The following CDH2 variants were observed in gnomAD, a reference collection of about 807,000 sequenced individuals.
CDH2 encodes the protein cadherin-2.
In CDH2, 17 loss-of-function variants were observed where a neutral mutation model predicts 92.0. The observed-to-expected ratio is 0.18, with a 90% confidence interval of 0.13 to 0.28. The LOEUF (loss-of-function observed/expected upper bound fraction) is 0.28. Among genes scored for constraint, CDH2 ranks in the 10% least tolerant of loss-of-function variants. The probability of loss-of-function intolerance (pLI) is 1.00; values close to 1 mark genes in which losing one functional copy is unlikely to be tolerated. For synonymous variants in CDH2, 419 were observed against 415.9 expected, an observed-to-expected ratio of 1.01 and a Z score of -0.09; for missense variants, 862 against 1,133.1, an observed-to-expected ratio of 0.76 and a Z score of 3.44.
At chr18:28,166,199 A>G (rs939179779) in intron 1 of CDH2, among the ~76,000 whole-genome samples, 1 of 88,054 alleles carries the variant, frequency 1.1e-5, no homozygotes, top group Non-Finnish European at 2.2e-5. Context: ...ATGAAGAATC[A>G]AGACTTATGA....
At chr18:28,175,554 T>C (rs1257060425) in intron 1 of CDH2, among the ~76,000 whole-genome samples, 1 of 149,402 alleles carries the variant, frequency 6.7e-6, no homozygotes, top group African/African-American at 2.6e-5. Flanking sequence ...CGTCTAGGGG[T>C]TGCGGGAGAA....
At chr18:28,099,107 C>A (rs2015186339) in intron 2 of CDH2, among the ~76,000 whole-genome samples, 1 of 152,092 alleles carries the variant, frequency 6.6e-6, no homozygotes, top group Non-Finnish European at 1.5e-5. Context: ...GCATCAATTA[C>A]TTATAAAAAT....
intron 1 of CDH2, among the ~76,000 whole-genome samples, chr18:28,156,353 C>T (rs2016210444): frequency 6.6e-6 from 1 of 152,144 alleles, no homozygotes; most frequent in Middle Eastern, 3.2e-3. Context: ...GTTTGATGGA[C>T]AAAAATCTGG....
In CDH2 at chr18:27,952,145, C is replaced by G. The variant is rs771948589; in HGVS notation, c.*8G>C. 4.3e-5 allele frequency: 70 copies of G among 1,611,490 alleles called. No individual in the cohort carries two copies. Among genetic ancestry groups the G allele is most frequent in the Non-Finnish European group, 5.7e-5 (67 of 1,178,086 alleles). On this transcript the variant is annotated 3_prime_UTR_variant, in exon 16 of 16. Transcript: ENST00000269141. ...GTACTTGTCCAAAAACCAAGTTCAC[C>G]CTGAAGTTCAGTCATCACCTCCACC...
intron 1 of CDH2, chr18:28,159,147 A>G (rs1373268199): frequency 6.6e-6 from 1 of 152,224 alleles, no homozygotes; most frequent in Non-Finnish European, 1.5e-5. Context: ...GACCAAACTT[A>G]CCTGAAGCCT....
chr18:28,039,203 T>G (rs1184783746), intron 2 of CDH2, among the ~76,000 whole-genome samples: 1 of 152,038 alleles, frequency 6.6e-6, no homozygotes, highest in African/African-American at 2.4e-5. Flanking sequence ...GTCCATAACC[T>G]ACTGCTTAGC....
chr18:28,005,662 T>C (rs138860728), intron 6 of CDH2, among the ~76,000 whole-genome samples, 187 bp downstream of exon 6: 1 of 152,276 alleles, frequency 6.6e-6, no homozygotes, highest in Non-Finnish European at 1.5e-5. Flanking sequence ...AGAAGGATTT[T>C]TTTTTTGTTT....
rs1419305515 is a variant in CDH2, at chr18:28,147,590, G to A, written c.172+83C>T. On this transcript the variant is annotated intron_variant, in intron 2 of 15. Transcript: ENST00000269141. Reference sequence around the variant, plus strand: ...AAAAATTCATACTTGTTATACAGTAGAAATGATTTAGGCTTTTTTAATGGC... The same window carrying A: ...AAAAATTCATACTTGTTATACAGTAAAAATGATTTAGGCTTTTTTAATGGC... The A allele has an allele frequency of 3.8e-6, 3 of 799,342 alleles. No homozygotes were observed. In the Admixed American group the frequency reaches 7.2e-5, roughly 19 times the overall value. The allele number at this position is 799,342 out of a possible 1,614,324, so 49.5% of individuals were successfully genotyped here. A position where few individuals can be genotyped will look rare whatever the true frequency, so the allele number is the denominator to read the frequency against.
intron 1 of CDH2, among the ~76,000 whole-genome samples, chr18:28,169,211 T>C (rs1025829542): frequency 3.9e-5 from 6 of 152,212 alleles, no homozygotes; most frequent in Admixed American, 3.9e-4. Context: ...GTATCTGCTC[T>C]ACTGAGTTCT....
chr18:28,102,284 T>C (rs1364726350), intron 2 of CDH2, among the ~76,000 whole-genome samples: 1 of 152,204 alleles, frequency 6.6e-6, no homozygotes, highest in Non-Finnish European at 1.5e-5. Context: ...AAATCCCAAG[T>C]GTTTGGAATT....
chr18:28,113,255 C>T (rs1198631684), intron 2 of CDH2, among the ~76,000 whole-genome samples: 1 of 151,860 alleles, frequency 6.6e-6, no homozygotes, highest in East Asian at 1.9e-4. Flanking sequence ...CCAATATATC[C>T]AAAATATTAT....
chr18:28,106,503 G>T (rs1479949492), intron 2 of CDH2, among the ~76,000 whole-genome samples: 3 of 147,932 alleles, frequency 2.0e-5, no homozygotes, highest in Admixed American at 6.7e-5. Context: ...CCAGATGGAT[G>T]GTTTGTCTTT....
At chr18:28,105,611 A>G (rs2015308057) in intron 2 of CDH2, among the ~76,000 whole-genome samples, 1 of 152,182 alleles carries the variant, frequency 6.6e-6, no homozygotes, top group Non-Finnish European at 1.5e-5. Context: ...ACCTAGAAGG[A>G]AAGTTCAAAC....
chr18:28,055,245 G>C (rs972722315), intron 2 of CDH2, among the ~76,000 whole-genome samples: 1 of 152,136 alleles, frequency 6.6e-6, no homozygotes, highest in Non-Finnish European at 1.5e-5. Context: ...CATGAGAACA[G>C]TGTGGGGAAA....
rs374374605 is a variant in CDH2, at chr18:28,131,683, G to GTTGTGTGTGTGT, written c.172+15989_172+15990insACACACACACAA. ...AAGATACTGTTCAAAAAGCATTTGT[G>GTTGTGTGTGTGT]GTGTGTGTGTGTGTGTGTGTGTGTG... On this transcript the variant is annotated intron_variant, in intron 2 of 15. Coordinates refer to ENST00000269141, the MANE Select transcript of CDH2 (RefSeq NM_001792.5). Among the ~76,000 whole-genome samples, 707 of 150,288 alleles carry GTTGTGTGTGTGT rather than the reference G, an allele frequency of 4.7e-3. 4 individuals carry two copies. Among genetic ancestry groups the GTTGTGTGTGTGT allele is most frequent in the South Asian group, 0.023 (107 of 4,674 alleles).
At chr18:28,017,348 T>C (rs2013277900) in intron 2 of CDH2, among the ~76,000 whole-genome samples, 1 of 152,178 alleles carries the variant, frequency 6.6e-6, no homozygotes, top group African/African-American at 2.4e-5. Context: ...AGGAGGGTTG[T>C]ATACTTCCAG....
In CDH2 at chr18:27,982,968, T is replaced by C; in HGVS notation, c.2325A>G (p.Glu775=). Residue 775 remains glutamate (E), a synonymous_variant, in exon 14 of 16, where the codon GAA becomes GAG. Coordinates refer to ENST00000269141, the MANE Select transcript of CDH2 (RefSeq NM_001792.5). ...CCTGGTCTTCTTCTCCTCCACCTTCTTCATCATATTTTAAAATATTATCTC... is the reference window on the plus strand; with the variant it reads ...CCTGGTCTTCTTCTCCTCCACCTTCCTCATCATATTTTAAAATATTATCTC... ...DVRDNILKYD[E]EGGGEEDQDY... 1 of 1,605,006 alleles carries C rather than the reference T, an allele frequency of 6.2e-7. No individual in the cohort carries two copies.
intron 2 of CDH2, among the ~76,000 whole-genome samples, chr18:28,088,190 C>T (rs1030742587): frequency 1.8e-4 from 27 of 152,274 alleles, no homozygotes; most frequent in African/African-American, 6.3e-4. Flanking sequence ...AAAAAGGAGG[C>T]TGTTTCACAT....
At chr18:28,153,837 T>C (rs2016164685) in intron 1 of CDH2, among the ~76,000 whole-genome samples, 1 of 152,186 alleles carries the variant, frequency 6.6e-6, no homozygotes, top group Admixed American at 6.5e-5. Context: ...GTACTAATAC[T>C]ATTGGGGCAA....
Sources: allele counts gnomAD v4.1 joint callset (sites outside exome capture counted in the v4.1 genomes callset), GRCh38; gene constraint gnomAD v4.1.1; transcripts MANE v1.5; gene names NCBI Gene and HGNC (gene_info 2026-07-23, HGNC 2026-07-21).